The following TIMM44 variants were observed in gnomAD, a reference collection of about 807,000 sequenced individuals.
TIMM44 encodes the protein translocase of inner mitochondrial membrane 44.
In TIMM44, 37 loss-of-function variants were observed where a neutral mutation model predicts 63.8. That is an observed-to-expected ratio of 0.58 (90% CI 0.45 to 0.76). The LOEUF (loss-of-function observed/expected upper bound fraction) is 0.76. Among genes scored for constraint, TIMM44 ranks in the 30% least tolerant of loss-of-function variants. The probability of loss-of-function intolerance (pLI) is 0.00; values close to 1 mark genes in which losing one functional copy is unlikely to be tolerated. For synonymous variants in TIMM44, 239 were observed against 245.1 expected (o/e 0.98, Z 0.23); for missense variants, 573 against 603.8 (o/e 0.95, Z 0.54).
rs749223297 is a variant in TIMM44 at position 7,934,040 on chromosome 19, T to C, written c.544-37A>G. ...GCACAGCGGGGCTGGGGTGGGTGTC[T>C]GGGTTCGGCCGCCCCAGGCTGCATG... On this transcript the variant is annotated intron_variant, in intron 5 of 12. Transcript: ENST00000270538. The surrounding 1 kb of genome is among the most constrained non-coding windows in gnomAD (Gnocchi z 5.3). The C allele has an allele frequency of 6.2e-7, 1 of 1,613,462 alleles. No homozygotes were observed. The highest frequency in any genetic ancestry group is 2.2e-5 in the East Asian group (1 of 44,856).
rs1017102296 is a variant in TIMM44, at chr19:7,927,371, G to T, written c.1240-65C>A. Reference sequence around the variant, plus strand: ...AGGTGACCCAGGCAGCTCTGGGGGGGGGCCAGGCTCTGTGGGGCAGGAGCC... The same window carrying T: ...AGGTGACCCAGGCAGCTCTGGGGGGTGGCCAGGCTCTGTGGGGCAGGAGCC... On this transcript the variant is annotated intron_variant, in intron 12 of 12. Transcript: ENST00000270538. 33 of 1,587,404 alleles carry T rather than the reference G, an allele frequency of 2.1e-5. No homozygotes were observed. In the South Asian group the frequency reaches 2.8e-4, roughly 13 times the overall value.
chr19:7,931,286 T>C, intron 9 of TIMM44, 98 bp from the exon 10 acceptor site: 3 of 1,162,978 alleles, frequency 2.6e-6, no homozygotes, highest in Non-Finnish European at 3.9e-6. Context: ...GGGTGGGGAG[T>C]TTCCTCAGAC....
chr19:7,932,425 TGCCGGTAAG>T lies in TIMM44; in HGVS notation c.987+193_987+201del, dbSNP rs1377776191. Reference sequence around the variant, plus strand: ...GAAACAGACCTGGAGGTACCGGAGGTGCCGGTAAGGCCCAGGAAGGGCTTCGGGCACAGC... The same window carrying T: ...GAAACAGACCTGGAGGTACCGGAGGTGCCCAGGAAGGGCTTCGGGCACAGC... On this transcript the variant is annotated intron_variant, in intron 9 of 12. Coordinates refer to ENST00000270538, the MANE Select transcript of TIMM44 (RefSeq NM_006351.4). 6 of 648,548 alleles carry T rather than the reference TGCCGGTAAG, an allele frequency of 9.3e-6. No homozygotes were observed. The Admixed American group carries it at 1.5e-4, about 16-fold the overall frequency. The allele number at this position is 648,548 out of a possible 1,614,324, so 40.2% of individuals were successfully genotyped here.
At chr19:7,927,542 C>T (rs1364144992) in intron 12 of TIMM44, 115 bp downstream of exon 12, 6 of 1,196,528 alleles carry the variant, frequency 5.0e-6, no homozygotes, top group African/African-American at 3.0e-5. Context: ...TCTCCACATC[C>T]CCACCCAGTC....
intron 10 of TIMM44, among the ~76,000 whole-genome samples, chr19:7,930,927 C>A (rs187789920): frequency 3.3e-5 from 5 of 151,968 alleles, no homozygotes; most frequent in Admixed American, 6.6e-5. Flanking sequence ...CGGTGTCCAG[C>A]CTGAGAGCCC....
intron 1 of TIMM44, among the ~76,000 whole-genome samples, chr19:7,942,396 C>G (rs992179246): frequency 2.6e-5 from 4 of 151,874 alleles, no homozygotes; most frequent in Non-Finnish European, 5.9e-5. Flanking sequence ...TTGAGACCAG[C>G]CTGGGCAACA....
At chr19:7,935,235 G>C (rs114410444) in intron 3 of TIMM44, 90 bp from the exon 4 acceptor site, 2 of 1,166,230 alleles carry the variant, frequency 1.7e-6, no homozygotes, top group Admixed American at 4.3e-5. Context: ...GCACGCTCTC[G>C]GCTCACTGCA....
chr19:7,934,157 A>ACTGCTTGGCCGTCTTGG lies in TIMM44; in HGVS notation c.458_474dup (p.Ser159ProfsTer34). On this transcript the variant is annotated frameshift_variant, in exon 5 of 13. Coordinates refer to ENST00000270538, the MANE Select transcript of TIMM44 (RefSeq NM_006351.4). LOFTEE classifies it high-confidence loss of function. The surrounding 1 kb of genome is among the most constrained non-coding windows in gnomAD (Gnocchi z 5.3). The stretch of plus-strand genomic sequence containing the variant: ...CCGCCTTTGGATACCGACTCGGCCG[A>ACTGCTTGGCCGTCTTGG]CTGCTTGGCCGTCTTGGCTGCTTCC... The ACTGCTTGGCCGTCTTGG allele has an allele frequency of 6.2e-7, 1 of 1,613,456 alleles. No homozygotes were observed. Among genetic ancestry groups the ACTGCTTGGCCGTCTTGG allele is most frequent in the Non-Finnish European group, 8.5e-7 (1 of 1,179,962 alleles).
chr19:7,929,028 C>T (rs562453727), intron 10 of TIMM44: 6 of 151,780 alleles, frequency 4.0e-5, no homozygotes, highest in Non-Finnish European at 2.9e-5. Flanking sequence ...GACATCTTCT[C>T]CTCTGCTTTT....
At chr19:7,935,299 G>C in intron 3 of TIMM44, 154 bp from the exon 4 acceptor site, 1 of 684,862 alleles carries the variant, frequency 1.5e-6, no homozygotes, top group Non-Finnish European at 2.5e-6. Context: ...CCGAGTAGCT[G>C]GGACTACAGG....
intron 11 of TIMM44, 105 bp from the exon 12 acceptor site, chr19:7,927,872 C>T (rs1397990124): frequency 1.6e-6 from 2 of 1,259,818 alleles, no homozygotes; most frequent in Non-Finnish European, 2.3e-6. Flanking sequence ...GGCTCCAGCA[C>T]CAGGCCCAGC....
At chr19:7,932,523 G>A (rs1039721409) in intron 9 of TIMM44, 104 bp downstream of exon 9, 13 of 1,518,170 alleles carry the variant, frequency 8.6e-6, no homozygotes, top group African/African-American at 4.1e-5. Context: ...AAACAGCCTC[G>A]GCAGCAGAGT....
At chr19:7,931,051 C>A (rs1341633387) in intron 10 of TIMM44, 87 bp downstream of exon 10, 1 of 1,310,656 alleles carries the variant, frequency 7.6e-7, no homozygotes, top group Admixed American at 1.9e-5. Flanking sequence ...TTGGGAGCTA[C>A]CCCAACGGAG....
chr19:7,928,048 G>A (rs1230836324), intron 11 of TIMM44, 29 bp downstream of exon 11: 2 of 1,600,852 alleles, frequency 1.2e-6, no homozygotes. Flanking sequence ...CCCCGATGGT[G>A]GCCCGGGCCC....
chr19:7,933,662 C>T lies in TIMM44; in HGVS notation c.684-92G>A. ...GCAGGCAGGGGGCAGTACAGGACAG[C>T]AGGCAGCTGAGACCTCAAACCTAGG... On this transcript the variant is annotated intron_variant, in intron 6 of 12. Transcript: ENST00000270538. This position sits in a 1 kb window ranked among gnomAD's most constrained non-coding sequence, Gnocchi z 4.3. 1 of 1,342,392 alleles carries T rather than the reference C, an allele frequency of 7.4e-7. No individual in the cohort carries two copies. The highest frequency in any genetic ancestry group is 1.1e-6 in the Non-Finnish European group (1 of 936,810). 83.2% of individuals were successfully genotyped at this position (1,342,392 alleles called of 1,614,324 possible).
At position 7,934,280 on chromosome 19, in the gene TIMM44, T is replaced by C. The variant is rs1173977905; in HGVS notation, c.394-42A>G. 1.9e-6 allele frequency: 3 copies of C among 1,605,604 alleles called. No individual in the cohort carries two copies. The highest frequency in any genetic ancestry group is 2.5e-6 in the Non-Finnish European group (3 of 1,179,444). ...AGAGAGGGGGCGTTGGCACCGGCCCTGGCGGCCGGGGGGCGGGGCAGGAGG... is the reference window on the plus strand; with the variant it reads ...AGAGAGGGGGCGTTGGCACCGGCCCCGGCGGCCGGGGGGCGGGGCAGGAGG... On this transcript the variant is annotated intron_variant, in intron 4 of 12. Coordinates refer to ENST00000270538, the MANE Select transcript of TIMM44 (RefSeq NM_006351.4). This position sits in a 1 kb window ranked among gnomAD's most constrained non-coding sequence, Gnocchi z 5.3.
chr19:7,941,037 C>G, intron 2 of TIMM44, 65 bp downstream of exon 2: 2 of 1,337,032 alleles, frequency 1.5e-6, no homozygotes, highest in Non-Finnish European at 2.1e-6. Flanking sequence ...CTCCCTCCTG[C>G]CAATGGGATC....
intron 10 of TIMM44, among the ~76,000 whole-genome samples, chr19:7,930,141 G>A (rs998637941): frequency 6.6e-6 from 1 of 151,190 alleles, no homozygotes; most frequent in African/African-American, 2.4e-5. Context: ...TAGCCACCGT[G>A]CCCGACCTAT....
rs1875567282 is a variant in TIMM44, at chr19:7,933,654, C to G, written c.684-84G>C. 1.3e-5 allele frequency: 18 copies of G among 1,353,284 alleles called. No individual in the cohort carries two copies. Among genetic ancestry groups the G allele is most frequent in the Non-Finnish European group, 1.8e-5 (17 of 945,718 alleles). 83.8% of individuals were successfully genotyped at this position (1,353,284 alleles called of 1,614,324 possible). A position where few individuals can be genotyped will look rare whatever the true frequency, so the allele number is the denominator to read the frequency against. The stretch of plus-strand genomic sequence containing the variant: ...CTGCGGCTGCAGGCAGGGGGCAGTA[C>G]AGGACAGCAGGCAGCTGAGACCTCA... On this transcript the variant is annotated intron_variant, in intron 6 of 12. Coordinates refer to ENST00000270538, the MANE Select transcript of TIMM44 (RefSeq NM_006351.4). This position sits in a 1 kb window ranked among gnomAD's most constrained non-coding sequence, Gnocchi z 4.3.
Sources: gnomAD v4.1 joint callset for allele counts (sites outside exome capture counted in the v4.1 genomes callset) on GRCh38, gnomAD v4.1.1 for gene constraint, Gnocchi (gnomAD v3.1) non-coding constraint, MANE v1.5 for transcripts, NCBI Gene and HGNC (gene_info 2026-07-23, HGNC 2026-07-21) for gene names.